The following VPS9D1 variants were observed in gnomAD, a reference collection of about 807,000 sequenced individuals.
VPS9D1 encodes VPS9 domain-containing protein 1.
VPS9D1 carries 78 observed loss-of-function variants against 75.8 expected under a neutral mutation model. That is an observed-to-expected ratio of 1.03 (90% CI 0.86 to 1.24). The LOEUF (loss-of-function observed/expected upper bound fraction) is 1.24, where lower values mean the gene tolerates loss of function less well. Ranked by LOEUF, VPS9D1 falls within the 50% of genes most tolerant of loss-of-function variation. The pLI is 0.00. For synonymous variants in VPS9D1, 481 were observed against 385.6 expected, an observed-to-expected ratio of 1.25 and a Z score of -2.90; for missense variants, 1,057 against 847.7, an observed-to-expected ratio of 1.25 and a Z score of -3.07.
chr16:89,718,976 A>G (rs1180371403), intron 2 of VPS9D1, 51 bp downstream of exon 2: 4 of 1,511,898 alleles, frequency 2.6e-6, no homozygotes, highest in African/African-American at 1.4e-5. Flanking sequence ...TGCCTCCCAC[A>G]GTGCTGGGAT....
intron 4 of VPS9D1, among the ~76,000 whole-genome samples, chr16:89,715,187 T>C (rs1448072390): frequency 6.6e-6 from 1 of 151,944 alleles, no homozygotes; most frequent in East Asian, 1.9e-4. Context: ...GATTTCTACA[T>C]ATATATAGAT....
intron 11 of VPS9D1, 108 bp downstream of exon 11, chr16:89,709,669 C>G (rs1597903543): frequency 6.4e-7 from 1 of 1,551,878 alleles, no homozygotes; most frequent in Non-Finnish European, 8.8e-7. Context: ...AAACACGAGT[C>G]TTGGGGATGG....
At chr16:89,714,316 G>A (rs576979575) in intron 4 of VPS9D1, among the ~76,000 whole-genome samples, 1 of 152,176 alleles carries the variant, frequency 6.6e-6, no homozygotes, top group Non-Finnish European at 1.5e-5. Flanking sequence ...AATTCTTCCA[G>A]TGTGGCCCAG....
intron 4 of VPS9D1, among the ~76,000 whole-genome samples, chr16:89,715,193 T>C (rs1332967497): frequency 6.6e-6 from 1 of 151,798 alleles, no homozygotes; most frequent in Admixed American, 6.6e-5. Flanking sequence ...TACATATATA[T>C]AGATATATAA....
intron 10 of VPS9D1, 133 bp from the exon 11 acceptor site, chr16:89,710,039 A>C: frequency 7.8e-7 from 1 of 1,277,232 alleles, no homozygotes; most frequent in Non-Finnish European, 1.1e-6. Flanking sequence ...CCCACCCCTG[A>C]CCCTCCTCGG....
At chr16:89,714,888 C>T (rs1008766212) in intron 4 of VPS9D1, among the ~76,000 whole-genome samples, 6 of 152,088 alleles carry the variant, frequency 3.9e-5, no homozygotes, top group African/African-American at 1.2e-4. Flanking sequence ...GCACGCGCCA[C>T]CATGCCCAGC....
rs768400689 is a variant in VPS9D1 at position 89,716,525 on chromosome 16, G to T, written c.368C>A (p.Ser123Tyr). 2.5e-6 allele frequency: 4 copies of T among 1,613,952 alleles called. No individual in the cohort carries two copies. The East Asian group carries it at 6.7e-5, about 27-fold the overall frequency. The change falls in exon 4 of 15, where the codon TCT (serine) becomes TAT (tyrosine). Residue 123 changes from serine (S) to tyrosine (Y), a missense_variant. By Grantham distance (144) the Ser-to-Tyr change is moderately radical (BLOSUM62 -2). Coordinates refer to ENST00000389386, the MANE Select transcript of VPS9D1 (RefSeq NM_004913.3). Reference sequence around the variant, plus strand: ...GAAGATCTCGGGTGGCAGAAAAGGAGAGAGCTTTCCTCCTTCATCGGAGTA... The same window carrying T: ...GAAGATCTCGGGTGGCAGAAAAGGATAGAGCTTTCCTCCTTCATCGGAGTA... ...RVYSDEGGKLSPFLPPEIFQK... is the reference protein window; with the variant it reads ...RVYSDEGGKLYPFLPPEIFQK...
chr16:89,718,851 C>A (rs570327566), intron 2 of VPS9D1, among the ~76,000 whole-genome samples, 176 bp downstream of exon 2: 2 of 152,076 alleles, frequency 1.3e-5, no homozygotes, highest in African/African-American at 4.8e-5. Context: ...GTAGCTGGGA[C>A]TACAGACACC....
chr16:89,709,399 C>G lies in VPS9D1; in HGVS notation c.1425G>C (p.Arg475Ser). 1 of 1,534,572 alleles carries G rather than the reference C, an allele frequency of 6.5e-7. No individual in the cohort carries two copies. Among genetic ancestry groups the G allele is most frequent in the Non-Finnish European group, 8.7e-7 (1 of 1,146,888 alleles). ...GTGCATTCCTGTAGAGCTCCATGCT[C>G]CTGCTCAGGGCAGCCTCCCGGGCTC... Reference protein sequence around the residue: ...VHRAREAALSRSMELYRNAPP... With the variant: ...VHRAREAALSSSMELYRNAPP... The change falls in exon 12 of 15, where the codon AGG (arginine) becomes AGC (serine). Residue 475 changes from arginine to serine, a missense_variant. Arg to Ser is a moderately radical substitution (Grantham distance 110, BLOSUM62 -1). Coordinates refer to ENST00000389386, the MANE Select transcript of VPS9D1 (RefSeq NM_004913.3).
At chr16:89,717,481 C>G (rs956648777) in intron 2 of VPS9D1, 3 of 444,404 alleles carry the variant, frequency 6.8e-6, no homozygotes, top group African/African-American at 4.0e-5. Context: ...CATGGACCTG[C>G]TCACACAGCC....
chr16:89,708,767 G>T, intron 13 of VPS9D1, 90 bp downstream of exon 13: 2 of 1,352,058 alleles, frequency 1.5e-6, no homozygotes, highest in Non-Finnish European at 2.0e-6. Context: ...GCTGGCACAA[G>T]GCTAAGGGGC....
In VPS9D1 at chr16:89,707,826, G is replaced by A. The variant is rs1386631652; in HGVS notation, c.*35C>T. ...AGGAGAGACAGCCCTGGGAGGCGAG[G>A]CCAGGCCCTGCAGGGACCCTGGGCT... On this transcript the variant is annotated 3_prime_UTR_variant, in exon 15 of 15. Coordinates refer to ENST00000389386, the MANE Select transcript of VPS9D1 (RefSeq NM_004913.3). 8.1e-6 allele frequency: 13 copies of A among 1,599,074 alleles called. No homozygotes were observed. The highest frequency in any genetic ancestry group is 1.1e-5 in the Non-Finnish European group (13 of 1,167,864).
Position 89,708,891 on chromosome 16 carries a change from G to T in VPS9D1, c.1663C>A (p.Gln555Lys). The T allele has an allele frequency of 6.3e-7, 1 of 1,594,036 alleles. No homozygotes were observed. Among genetic ancestry groups the T allele is most frequent in the Non-Finnish European group, 8.5e-7 (1 of 1,174,426 alleles). The part of the protein sequence containing the change: ...DYCPTPEATP[Q>K]AGPPPIAAAA... ...GCAGCGATGGGCGGGGGCCCGGCCT[G>T]GGGTGTGGCCTCTGGGGTGGGGCAG... The change falls in exon 13 of 15, where the codon CAG becomes AAG. Residue 555 changes from glutamine (Q) to lysine (K), a missense_variant. Physicochemically the swap from Gln to Lys is moderately conservative, Grantham distance 53. Coordinates refer to ENST00000389386, the MANE Select transcript of VPS9D1 (RefSeq NM_004913.3).
intron 1 of VPS9D1, 54 bp from the exon 2 acceptor site, chr16:89,719,156 C>T (rs1440009324): frequency 6.4e-7 from 1 of 1,554,466 alleles, no homozygotes; most frequent in East Asian, 2.2e-5. Flanking sequence ...GAAGTGACTC[C>T]ATTATTCCGG....
chr16:89,707,694 G>C lies in VPS9D1; in HGVS notation c.*167C>G. 1.6e-6 allele frequency: 1 copy of C among 615,444 alleles called. No individual in the cohort carries two copies. The highest frequency in any genetic ancestry group is 2.8e-5 in the East Asian group (1 of 35,466). The allele number at this position is 615,444 out of a possible 1,614,324, so 38.1% of individuals were successfully genotyped here. A position where few individuals can be genotyped will look rare whatever the true frequency, so the allele number is the denominator to read the frequency against. On this transcript the variant is annotated 3_prime_UTR_variant, in exon 15 of 15. Transcript: ENST00000389386. ...AGCTCCAGGGTCAGATGTGAGGTGAGGAAGGTGAAGAGCTGGAGAGCACAC... is the reference window on the plus strand; with the variant it reads ...AGCTCCAGGGTCAGATGTGAGGTGACGAAGGTGAAGAGCTGGAGAGCACAC...
chr16:89,713,109 G>GT (rs1224794889), intron 4 of VPS9D1: 1 of 155,494 alleles, frequency 6.4e-6, no homozygotes, highest in East Asian at 1.9e-4. Flanking sequence ...ATCCCGGGAG[G>GT]TGATGCAGTG....
Position 89,710,969 on chromosome 16 carries a change from T to C in VPS9D1, c.875A>G (p.Gln292Arg). The stretch of plus-strand genomic sequence containing the variant: ...ATACAGGGCGCTGTACACGGAGCAC[T>C]GCAGCCGCCTCAGGAGCTGCGCGAT... ...HPIAQLLRRL[Q>R]CSVYSALYPA... is the part of the protein sequence containing the mutation. The change falls in exon 10 of 15, where the codon CAG becomes CGG. Residue 292 changes from glutamine (Q) to arginine (R), a missense_variant. Coordinates refer to ENST00000389386, the MANE Select transcript of VPS9D1 (RefSeq NM_004913.3). 6.9e-7 allele frequency: 1 copy of C among 1,445,880 alleles called. No individual in the cohort carries two copies. The highest frequency in any genetic ancestry group is 9.1e-7 in the Non-Finnish European group (1 of 1,104,080). 89.6% of individuals were successfully genotyped at this position (1,445,880 alleles called of 1,614,324 possible). A position where few individuals can be genotyped will look rare whatever the true frequency, so the allele number is the denominator to read the frequency against.
chr16:89,716,566 G>A lies in VPS9D1; in HGVS notation c.327C>T (p.Gly109=). The part of the protein sequence containing the change: ...PAAAPIPQPA[G]RHRRVYSDEG... Reference sequence around the variant, plus strand: ...CATCGGAGTATACACGGCGGTGTCGGCCGGCAGGCTGGGGAATGGGAGCAG... The same window carrying A: ...CATCGGAGTATACACGGCGGTGTCGACCGGCAGGCTGGGGAATGGGAGCAG... The change falls in exon 4 of 15, where the codon GGC becomes GGT. Residue 109 remains glycine, a synonymous_variant. Coordinates refer to ENST00000389386, the MANE Select transcript of VPS9D1 (RefSeq NM_004913.3). 6.2e-7 allele frequency: 1 copy of A among 1,614,010 alleles called. No homozygotes were observed. Among genetic ancestry groups the A allele is most frequent in the Non-Finnish European group, 8.5e-7 (1 of 1,179,954 alleles).
In VPS9D1 at chr16:89,719,046, T is replaced by C. The variant is rs1360596045; in HGVS notation, c.156A>G (p.Glu52=). 1 of 1,613,598 alleles carries C rather than the reference T, an allele frequency of 6.2e-7. No individual in the cohort carries two copies. The highest frequency in any genetic ancestry group is 1.7e-5 in the Admixed American group (1 of 60,008). Reference sequence around the variant, plus strand: ...CCGTACCTTTAGTGGTTTCCACTTCTTCTAGTAACACCTGGGAGATATAGT... The same window carrying C: ...CCGTACCTTTAGTGGTTTCCACTTCCTCTAGTAACACCTGGGAGATATAGT... ...SIHYISQVLL[E]EVETTKEAGE... The change falls in exon 2 of 15, where the codon GAA becomes GAG. Residue 52 remains glutamate (E), a synonymous_variant. Coordinates refer to ENST00000389386, the MANE Select transcript of VPS9D1 (RefSeq NM_004913.3).
Sources: allele counts gnomAD v4.1 joint callset (sites outside exome capture counted in the v4.1 genomes callset), GRCh38; gene constraint gnomAD v4.1.1; transcripts MANE v1.5; gene names NCBI Gene and HGNC (gene_info 2026-07-23, HGNC 2026-07-21).